TNS3: variants seen among roughly 807,000 people sequenced by gnomAD.
TNS3 encodes the protein tensin 3, also known as tensin-3.
A neutral mutation model predicts 140.9 loss-of-function variants in TNS3; 45 were observed. The ratio of observed to expected loss-of-function variants is 0.32; its 90% confidence interval spans 0.25 to 0.41. The LOEUF (loss-of-function observed/expected upper bound fraction) is 0.41. Ranked by LOEUF, TNS3 falls within the 10% of genes least tolerant of loss-of-function variation. TNS3 has a pLI of 1.00. For synonymous variants in TNS3, 815 were observed against 788.4 expected (o/e 1.03, Z -0.56); for missense variants, 1,716 against 1,906.7 (o/e 0.90, Z 1.86).
At chr7:47,556,637 C>T (rs1303912335) in intron 1 of TNS3, among the ~76,000 whole-genome samples, 6 of 152,198 alleles carry the variant, frequency 3.9e-5, no homozygotes, top group Admixed American at 2.0e-4. Context: ...CAAGTTCCTC[C>T]GGTCAGTGGG....
rs757850733 is a variant in TNS3 at position 47,303,170 on chromosome 7, G to T, written c.3237C>A (p.Ser1079Arg). The T allele has an allele frequency of 6.2e-6, 10 of 1,613,706 alleles. 1 individual carries two copies. Among genetic ancestry groups the T allele is most frequent in the South Asian group, 4.4e-5 (4 of 91,080 alleles). Residue 1079 changes from serine (S) to arginine (R), a missense_variant, in exon 22 of 31, where the codon AGC (serine) becomes AGA (arginine). Ser to Arg is a moderately radical substitution (Grantham distance 110, BLOSUM62 -1). Around this residue, in one of 3 missense-constraint regions of TNS3, gnomAD observed 1,163 missense variants for 1,182.1 expected, o/e 0.98. Coordinates refer to ENST00000311160, the MANE Select transcript of TNS3 (RefSeq NM_022748.12). ...NFLTVAPGHS[S>R]HHSPGLQGQG... is the part of the protein sequence containing the mutation. ...GGCCCTGCAGGCCTGGACTGTGGTG[G>T]CTGCTGTGTCCAGGCGCCACCGTGA...
rs908025634 is a variant in TNS3, at chr7:47,302,091, G to T, written c.3544+95C>A. On this transcript the variant is annotated intron_variant, in intron 23 of 30. Transcript: ENST00000311160. ...CTCAATCCATATGAAGGCCACGGCT[G>T]CCCGATGTTCCCACCGCAGGGCCCA... is the stretch of plus-strand genomic sequence containing the variant. 3.0e-5 allele frequency: 30 copies of T among 1,004,488 alleles called. No homozygotes were observed. In the African/African-American group the frequency reaches 4.3e-4, roughly 14 times the overall value. 62.2% of individuals were successfully genotyped at this position (1,004,488 alleles called of 1,614,324 possible).
rs375359184 is a variant in TNS3 at position 47,415,170 on chromosome 7, C to T, written c.510G>A (p.Ser170=). The T allele has an allele frequency of 3.4e-5, 54 of 1,610,542 alleles. 2 individuals are homozygous for T. In the South Asian group the frequency reaches 5.1e-4, roughly 15 times the overall value. The part of the protein sequence containing the change: ...VQFLSGLLSG[S]VKMNASPLFL... Reference sequence around the variant, plus strand: ...ACAGGGGAGAGGCATTCATTTTCACCGATCCGGACAGGAGCCCACTGAGGA... The same window carrying T: ...ACAGGGGAGAGGCATTCATTTTCACTGATCCGGACAGGAGCCCACTGAGGA... The change falls in exon 11 of 31, where the codon TCG becomes TCA. Residue 170 remains serine, a synonymous_variant. Coordinates refer to ENST00000311160, the MANE Select transcript of TNS3 (RefSeq NM_022748.12).
chr7:47,428,026 A>G (rs1794746706), intron 9 of TNS3, among the ~76,000 whole-genome samples: 1 of 152,154 alleles, frequency 6.6e-6, no homozygotes, highest in South Asian at 2.1e-4. Context: ...AGAATTCTCT[A>G]TTAAAGAACA....
At chr7:47,360,060 T>C (rs1790227759) in intron 17 of TNS3, among the ~76,000 whole-genome samples, 1 of 152,324 alleles carries the variant, frequency 6.6e-6, no homozygotes, top group South Asian at 2.1e-4. Flanking sequence ...ATGGAAAGCT[T>C]CATCAACTCT....
intron 10 of TNS3, among the ~76,000 whole-genome samples, chr7:47,422,653 T>A (rs1226952680): frequency 1.3e-5 from 2 of 151,616 alleles, no homozygotes; most frequent in African/African-American, 4.8e-5. Context: ...TGAAGAGATA[T>A]CTTCCCCCTT....
At position 47,579,596 on chromosome 7, in the gene TNS3, A is replaced by G. The variant is rs148856792; in HGVS notation, c.-265+2455T>C. On this transcript the variant is annotated intron_variant, in intron 1 of 30. Coordinates refer to ENST00000311160, the MANE Select transcript of TNS3 (RefSeq NM_022748.12). ...AAGTTCCTCCCCCTCTCAAGTTCAT[A>G]CACAGGGACACAGGGAGGGAACAAG... 1,516 of 152,452 alleles carry G rather than the reference A, an allele frequency of 9.9e-3. 11 individuals carry two copies. Among genetic ancestry groups the G allele is most frequent in the Non-Finnish European group, 0.017 (1,126 of 68,184 alleles). The allele number at this position is 152,452 out of a possible 1,614,324, so 9.4% of individuals were successfully genotyped here.
At chr7:47,511,833 G>C (rs558812481) in intron 2 of TNS3, among the ~76,000 whole-genome samples, 2 of 152,254 alleles carry the variant, frequency 1.3e-5, no homozygotes, top group South Asian at 2.1e-4. Context: ...TTGCAGAACC[G>C]GGGCCCAGGC....
chr7:47,298,700 C>A (rs1451593150), intron 23 of TNS3, among the ~76,000 whole-genome samples: 1 of 152,260 alleles, frequency 6.6e-6, no homozygotes, highest in Non-Finnish European at 1.5e-5. Flanking sequence ...GTAAATACCT[C>A]CACGGCGCAC....
At chr7:47,284,449 C>T (rs1193763172) in intron 27 of TNS3, among the ~76,000 whole-genome samples, 3 of 152,192 alleles carry the variant, frequency 2.0e-5, no homozygotes, top group Admixed American at 1.3e-4. Flanking sequence ...CAAGGGAGAG[C>T]TGTGGGTCTT....
chr7:47,578,833 C>T (rs902357820), intron 1 of TNS3, among the ~76,000 whole-genome samples: 4 of 152,224 alleles, frequency 2.6e-5, no homozygotes, highest in African/African-American at 4.8e-5. Context: ...GCCCGAGCTG[C>T]ACTCGAAAAG....
At chr7:47,285,297 G>A (rs987196071) in intron 27 of TNS3, among the ~76,000 whole-genome samples, 1 of 152,172 alleles carries the variant, frequency 6.6e-6, no homozygotes, top group Admixed American at 6.5e-5. Flanking sequence ...ATATGGTTTG[G>A]CTCTGTCCCC....
intron 4 of TNS3, among the ~76,000 whole-genome samples, chr7:47,474,741 C>CAGCACAACACACAACACACAA (rs1797113753): frequency 6.8e-6 from 1 of 147,554 alleles, no homozygotes; most frequent in Middle Eastern, 3.3e-3. Flanking sequence ...CAACACACCT[C>CAGCACAACACACAACACACAA]AGCACAACAC....
At chr7:47,307,507 C>A (rs1287788912) in intron 20 of TNS3, among the ~76,000 whole-genome samples, 2 of 152,166 alleles carry the variant, frequency 1.3e-5, no homozygotes, top group African/African-American at 4.8e-5. Context: ...ATGGCTGGAC[C>A]ATATGGTAAG....
At chr7:47,547,136 G>A (rs1799942982) in intron 1 of TNS3, among the ~76,000 whole-genome samples, 1 of 152,216 alleles carries the variant, frequency 6.6e-6, no homozygotes. Context: ...AGCCAAGGAG[G>A]CAGTGGACCC....
chr7:47,528,959 G>C, intron 2 of TNS3, 77 bp downstream of exon 2: 1 of 951,132 alleles, frequency 1.1e-6, no homozygotes, highest in Non-Finnish European at 1.4e-6. Flanking sequence ...GGAAACTCCT[G>C]AAAAAAAGTT....
At chr7:47,515,449 TCAA>T (rs1798749643) in intron 2 of TNS3, among the ~76,000 whole-genome samples, 1 of 152,104 alleles carries the variant, frequency 6.6e-6, no homozygotes, top group Non-Finnish European at 1.5e-5. Context: ...ATTGCTGTCA[TCAA>T]CATCATCATC....
At chr7:47,513,282 G>A (rs1798669955) in intron 2 of TNS3, among the ~76,000 whole-genome samples, 1 of 152,110 alleles carries the variant, frequency 6.6e-6, no homozygotes, top group Non-Finnish European at 1.5e-5. Flanking sequence ...CAATCCTCCT[G>A]CCTCAGCCTC....
chr7:47,340,681 G>A (rs1048159041), intron 20 of TNS3, among the ~76,000 whole-genome samples: 1 of 151,194 alleles, frequency 6.6e-6, no homozygotes, highest in African/African-American at 2.4e-5. Context: ...TCTTCCCTGG[G>A]ATTTTCTGTT....
Sources: allele counts gnomAD v4.1 joint callset (sites outside exome capture counted in the v4.1 genomes callset), GRCh38; gene constraint gnomAD v4.1.1; regional missense constraint gnomAD v4.1.1; transcripts MANE v1.5; gene names NCBI Gene and HGNC (gene_info 2026-07-23, HGNC 2026-07-21).